Variants in DACH2 observed in about 807,000 individuals in gnomAD.
DACH2 encodes dachshund family transcription factor 2.
DACH2 carries 17 observed loss-of-function variants against 35.8 expected under a neutral mutation model. The ratio of observed to expected loss-of-function variants is 0.48; its 90% CI spans 0.33 to 0.71. The LOEUF (loss-of-function observed/expected upper bound fraction) is 0.71. Among genes scored for constraint, DACH2 ranks in the 30% least tolerant of loss-of-function variants. The probability of loss-of-function intolerance (pLI) is 0.02; values close to 1 mark genes in which losing one functional copy is unlikely to be tolerated. For missense variants in DACH2, 469 were observed against 472.7 expected (o/e 0.99, Z 0.07); for synonymous variants, 195 against 177.3 (o/e 1.10, Z -0.79).
intron 2 of DACH2, among the ~76,000 whole-genome samples, chrX:86,427,342 A>G (rs952243237): frequency 9.0e-6 from 1 of 111,491 alleles, no homozygotes; most frequent in Non-Finnish European, 1.9e-5. Context: ...GAATTTGAGG[A>G]TCTGATGAAT....
At chrX:86,608,885 C>T (rs2148366069) in intron 3 of DACH2, among the ~76,000 whole-genome samples, 1 of 111,831 alleles carries the variant, frequency 8.9e-6, no homozygotes, top group South Asian at 3.7e-4. Context: ...TCTTCTGCTG[C>T]TTTTAGGATC....
At chrX:86,755,743 G>A (rs1449161229) in intron 7 of DACH2, among the ~76,000 whole-genome samples, 8 of 107,654 alleles carry the variant, frequency 7.4e-5, no homozygotes, top group Non-Finnish European at 1.2e-4. Context: ...GACTACAGGC[G>A]CCCGCCACCA....
At chrX:86,466,878 G>T (rs1165447407) in intron 2 of DACH2, among the ~76,000 whole-genome samples, 1 of 110,871 alleles carries the variant, frequency 9.0e-6, no homozygotes, top group East Asian at 2.9e-4. Flanking sequence ...GGAGTGGCTG[G>T]AATGGAGGGC....
intron 7 of DACH2, among the ~76,000 whole-genome samples, chrX:86,797,617 A>G (rs1354341971): frequency 8.9e-6 from 1 of 111,949 alleles, no homozygotes; most frequent in African/African-American, 3.2e-5. Flanking sequence ...CGAATTTGCC[A>G]GGAAAAATTA....
At chrX:86,659,363 A>T (rs765550481) in intron 4 of DACH2, among the ~76,000 whole-genome samples, 1 of 111,081 alleles carries the variant, frequency 9.0e-6, no homozygotes, top group African/African-American at 3.3e-5. Context: ...TATTCCTAAT[A>T]CCTCATCTAG....
At chrX:86,495,310 G>A (rs1023176216) in intron 2 of DACH2, among the ~76,000 whole-genome samples, 8 of 109,362 alleles carry the variant, frequency 7.3e-5, no homozygotes, top group East Asian at 2.9e-4. Flanking sequence ...CACCCGCCTC[G>A]GTTTCCCAAA....
chrX:86,259,960 T>G (rs919674416), intron 1 of DACH2, among the ~76,000 whole-genome samples: 1 of 111,472 alleles, frequency 9.0e-6, no homozygotes, highest in African/African-American at 3.3e-5. Flanking sequence ...GCTTATTTTT[T>G]TTTAGAAATA....
chrX:86,560,065 G>T (rs1159962488), intron 3 of DACH2, among the ~76,000 whole-genome samples: 3 of 47,974 alleles, frequency 6.3e-5, no homozygotes, highest in African/African-American at 3.5e-4. Context: ...GCATGATTTT[G>T]CAGTGGCTGG....
chrX:86,445,524 GA>G (rs1425777249), intron 2 of DACH2, among the ~76,000 whole-genome samples: 118 of 8,045 alleles, frequency 0.015, 1 homozygote, highest in African/African-American at 0.056. Context: ...TAAAAAAAAA[GA>G]AAAAAAAGAA....
chrX:86,289,813 G>A (rs1341899341), intron 1 of DACH2, among the ~76,000 whole-genome samples: 2 of 108,907 alleles, frequency 1.8e-5, no homozygotes, highest in African/African-American at 6.7e-5. Context: ...TCTTAATCCA[G>A]TCTATCATTG....
chrX:86,630,407 C>CAT (rs1175444799), intron 3 of DACH2, among the ~76,000 whole-genome samples: 12 of 108,408 alleles, frequency 1.1e-4, no homozygotes, highest in Non-Finnish European at 1.3e-4. Flanking sequence ...TATATATACA[C>CAT]ATATATATAT....
intron 1 of DACH2, among the ~76,000 whole-genome samples, chrX:86,223,146 T>C (rs7884406): frequency 2.1e-3 from 234 of 111,833 alleles, no homozygotes; most frequent in African/African-American, 7.2e-3. Flanking sequence ...ATGGATGAGT[T>C]AGTAATTCAC....
At chrX:86,610,640 G>A (rs1291718089) in intron 3 of DACH2, among the ~76,000 whole-genome samples, 1 of 109,257 alleles carries the variant, frequency 9.2e-6, no homozygotes, top group East Asian at 2.9e-4. Context: ...TAGAAACGGA[G>A]TTTCACCATG....
chrX:86,163,473 G>A (rs947122878), intron 1 of DACH2, among the ~76,000 whole-genome samples: 23 of 110,294 alleles, frequency 2.1e-4, no homozygotes, highest in African/African-American at 7.3e-4. Flanking sequence ...TACCTGTGAA[G>A]GTTTGTAACC....
chrX:86,381,565 T>C (rs1488381580), intron 2 of DACH2, among the ~76,000 whole-genome samples: 1 of 110,964 alleles, frequency 9.0e-6, no homozygotes, highest in Non-Finnish European at 1.9e-5. Flanking sequence ...ACTCTGCACA[T>C]AAATCTGTGG....
chrX:86,360,050 T>G (rs1432110058), intron 1 of DACH2, among the ~76,000 whole-genome samples: 1 of 109,404 alleles, frequency 9.1e-6, no homozygotes, highest in East Asian at 2.9e-4. Context: ...CCTGGATAAT[T>G]TTTATTTTTA....
intron 7 of DACH2, among the ~76,000 whole-genome samples, chrX:86,796,419 C>G (rs1202766020): frequency 9.0e-6 from 1 of 111,721 alleles, no homozygotes; most frequent in Non-Finnish European, 1.9e-5. Flanking sequence ...GTCCAGCTGG[C>G]TTCACCTCTC....
intron 7 of DACH2, among the ~76,000 whole-genome samples, chrX:86,771,246 G>T (rs1412703370): frequency 8.9e-6 from 1 of 112,188 alleles, no homozygotes; most frequent in Non-Finnish European, 1.9e-5. Flanking sequence ...CCTTTCATTT[G>T]CCATTGTTCT....
At chrX:86,393,939 TTTA>T (rs61097672) in intron 2 of DACH2, among the ~76,000 whole-genome samples, 2,302 of 104,812 alleles carry the variant, frequency 0.022, 49 homozygotes, top group African/African-American at 0.062. Flanking sequence ...TGGTAGCTAT[TTTA>T]TTATTATTAT....
Sources: gnomAD v4.1 joint callset for allele counts (sites outside exome capture counted in the v4.1 genomes callset) on GRCh38, gnomAD v4.1.1 for gene constraint, MANE v1.5 for transcripts, NCBI Gene and HGNC (gene_info 2026-07-23, HGNC 2026-07-21) for gene names.